The following PXYLP1 variants were observed in gnomAD, a reference collection of about 807,000 sequenced individuals.
PXYLP1 encodes the protein 2-phosphoxylose phosphatase 1, also known as acid phosphatase-like 2.
A neutral mutation model predicts 37.9 loss-of-function variants in PXYLP1; 17 were observed. The ratio of observed to expected loss-of-function variants is 0.45; its 90% CI spans 0.31 to 0.67. PXYLP1 has a LOEUF of 0.67. Among genes scored for constraint, PXYLP1 ranks in the 30% least tolerant of loss-of-function variants. The pLI is 0.07. For synonymous variants in PXYLP1, 221 were observed against 232.2 expected (o/e 0.95, Z 0.44); for missense variants, 511 against 612.0 (o/e 0.84, Z 1.74).
chr3:141,270,938 T>C (rs1941648092), intron 2 of PXYLP1, among the ~76,000 whole-genome samples: 1 of 152,188 alleles, frequency 6.6e-6, no homozygotes, highest in African/African-American at 2.4e-5. Context: ...TCACCCAGGC[T>C]GGAATGCAGT....
chr3:141,283,307 G>A (rs1434837539), intron 4 of PXYLP1, among the ~76,000 whole-genome samples: 2 of 151,958 alleles, frequency 1.3e-5, no homozygotes, highest in Non-Finnish European at 2.9e-5. Context: ...TGCAGCTCAG[G>A]GGCACTGGCT....
At chr3:141,274,935 T>A (rs1022424216) in intron 2 of PXYLP1, among the ~76,000 whole-genome samples, 1 of 152,062 alleles carries the variant, frequency 6.6e-6, no homozygotes, top group Non-Finnish European at 1.5e-5. Context: ...GCGAGAAACA[T>A]CCTGTGGGGT....
At chr3:141,244,267 T>G (rs1267032396) in intron 1 of PXYLP1, among the ~76,000 whole-genome samples, 1 of 152,218 alleles carries the variant, frequency 6.6e-6, no homozygotes, top group Non-Finnish European at 1.5e-5. Flanking sequence ...GTCTTGCTCC[T>G]ACACCTGCTT....
At chr3:141,276,635 G>A (rs1559892511) in intron 2 of PXYLP1, among the ~76,000 whole-genome samples, 1 of 152,076 alleles carries the variant, frequency 6.6e-6, no homozygotes, top group Non-Finnish European at 1.5e-5. Flanking sequence ...ATTTTTGTGC[G>A]TGGGCATCGC....
chr3:141,273,453 G>A, intron 2 of PXYLP1: 1 of 985,078 alleles, frequency 1.0e-6, no homozygotes, highest in Non-Finnish European at 1.2e-6. Context: ...ATAGCTATGG[G>A]AATGTTTACT....
intron 2 of PXYLP1, among the ~76,000 whole-genome samples, chr3:141,261,624 G>A (rs1033603973): frequency 6.6e-6 from 1 of 152,132 alleles, no homozygotes. Flanking sequence ...CACCACGCCC[G>A]GCCCCCTCCT....
chr3:141,262,416 G>A lies in PXYLP1; in HGVS notation c.79+2162G>A, dbSNP rs551586079. On this transcript the variant is annotated intron_variant, in intron 2 of 5. Transcript: ENST00000286353. ...CATCCTTTGGTTGGAGAGGTAGGATGTTACAGTCAACCCTGATTTTATTTT... is the reference window on the plus strand; with the variant it reads ...CATCCTTTGGTTGGAGAGGTAGGATATTACAGTCAACCCTGATTTTATTTT... The A allele has an allele frequency of 1.2e-5, 10 of 862,960 alleles. No individual in the cohort carries two copies. The African/African-American group carries it at 1.8e-4, about 15-fold the overall frequency. 53.5% of individuals were successfully genotyped at this position (862,960 alleles called of 1,614,324 possible). A position where few individuals can be genotyped will look rare whatever the true frequency, so the allele number is the denominator to read the frequency against.
intron 5 of PXYLP1, among the ~76,000 whole-genome samples, chr3:141,290,893 T>C (rs1171940413): frequency 6.6e-6 from 1 of 152,212 alleles, no homozygotes; most frequent in Non-Finnish European, 1.5e-5. Flanking sequence ...TAACTTTATG[T>C]GGCCTAACCA....
chr3:141,273,610 A>G (rs949837163), intron 2 of PXYLP1: 174 of 985,306 alleles, frequency 1.8e-4, no homozygotes, highest in Non-Finnish European at 2.0e-4. Context: ...GAGGGTCCCA[A>G]GGAGATGCTT....
chr3:141,256,160 G>A (rs1941257778), intron 1 of PXYLP1, among the ~76,000 whole-genome samples: 1 of 152,212 alleles, frequency 6.6e-6, no homozygotes, highest in Non-Finnish European at 1.5e-5. Flanking sequence ...ATAGGTGTCT[G>A]TGTGATTCTT....
At position 141,255,701 on chromosome 3, in the gene PXYLP1, A is replaced by G. The variant is rs756744557; in HGVS notation, c.-53-4422A>G. 4.6e-5 allele frequency among the ~76,000 whole-genome samples: 7 copies of G among 152,138 alleles called. No individual in the cohort carries two copies. In the East Asian group the frequency reaches 9.6e-4, roughly 21 times the overall value. ...AGGGGTAGGCGCAGAGCTCCTATGG[A>G]AAGAAGTGCAGGAAGATGGCAGGAA... On this transcript the variant is annotated intron_variant, in intron 1 of 5. Coordinates refer to ENST00000286353, the MANE Select transcript of PXYLP1 (RefSeq NM_001037172.3).
intron 5 of PXYLP1, among the ~76,000 whole-genome samples, chr3:141,291,359 A>G (rs1485654741): frequency 2.6e-5 from 4 of 152,158 alleles, no homozygotes; most frequent in Non-Finnish European, 4.4e-5. Flanking sequence ...TCCAATGTTA[A>G]AAGTTAATTT....
At chr3:141,285,319 G>A (rs1213930422) in intron 4 of PXYLP1, among the ~76,000 whole-genome samples, 2 of 151,120 alleles carry the variant, frequency 1.3e-5, no homozygotes, top group African/African-American at 4.9e-5. Flanking sequence ...GCTAGTTTTT[G>A]TATTTTTTGT....
intron 2 of PXYLP1, among the ~76,000 whole-genome samples, chr3:141,269,987 G>T (rs145891861): frequency 1.6e-3 from 250 of 152,388 alleles, no homozygotes; most frequent in African/African-American, 5.8e-3. Context: ...GGTGGACTTA[G>T]GTCCCAGAGG....
intron 1 of PXYLP1, among the ~76,000 whole-genome samples, chr3:141,249,970 A>T (rs2148717032): frequency 6.6e-6 from 1 of 152,360 alleles, no homozygotes; most frequent in African/African-American, 2.4e-5. Flanking sequence ...TTGGAAAAAA[A>T]ATCTCAAAGG....
intron 1 of PXYLP1, among the ~76,000 whole-genome samples, chr3:141,240,650 T>C (rs576727648): frequency 5.0e-4 from 76 of 152,254 alleles, no homozygotes; most frequent in Middle Eastern, 3.4e-3. Context: ...CTACACTGTC[T>C]GCCCCCTCCT....
At chr3:141,283,156 T>A (rs13090607) in intron 4 of PXYLP1, among the ~76,000 whole-genome samples, 4 of 132,734 alleles carry the variant, frequency 3.0e-5, no homozygotes, top group South Asian at 2.6e-4. Context: ...TTTTTTTTTT[T>A]ATTTTTTAGT....
At position 141,265,664 on chromosome 3, in the gene PXYLP1, G is replaced by A. The variant is rs116264998; in HGVS notation, c.79+5410G>A. Among the ~76,000 whole-genome samples, 1,164 of 152,314 alleles carry A rather than the reference G, an allele frequency of 7.6e-3. 21 individuals are homozygous for A. The highest frequency in any genetic ancestry group is 0.024 in the African/African-American group (1,009 of 41,566). On this transcript the variant is annotated intron_variant, in intron 2 of 5. Transcript: ENST00000286353. ...GTCGTGGGGCTAGGATGATGGTATC[G>A]GGGGGACTCTACCATGGCACCCAGG...
chr3:141,275,228 C>A lies in PXYLP1; in HGVS notation c.80-3114C>A, dbSNP rs1941763437. Among the ~76,000 whole-genome samples, 3 of 152,188 alleles carry A rather than the reference C, an allele frequency of 2.0e-5. No individual in the cohort carries two copies. The South Asian group carries it at 6.2e-4, about 31-fold the overall frequency. The stretch of plus-strand genomic sequence containing the variant: ...TCTGGAGAGAAGGTCTCATTCTGAT[C>A]TTTATCTGTGGTTTTCAAACCACTG... On this transcript the variant is annotated intron_variant, in intron 2 of 5. Coordinates refer to ENST00000286353, the MANE Select transcript of PXYLP1 (RefSeq NM_001037172.3).
Sources: gnomAD v4.1 joint callset for allele counts (sites outside exome capture counted in the v4.1 genomes callset) on GRCh38, gnomAD v4.1.1 for gene constraint, MANE v1.5 for transcripts, NCBI Gene and HGNC (gene_info 2026-07-23, HGNC 2026-07-21) for gene names.